RABGAP1L: variants seen among roughly 807,000 people sequenced by gnomAD.
The protein encoded by RABGAP1L is RAB GTPase activating protein 1 like, also known as rab GTPase-activating protein 1-like.
In RABGAP1L, 63 loss-of-function variants were observed where a neutral mutation model predicts 137.7. That is an observed-to-expected ratio of 0.46 (90% CI 0.37 to 0.56). The LOEUF (loss-of-function observed/expected upper bound fraction) is 0.56. Ranked by LOEUF, RABGAP1L falls within the 20% of genes least tolerant of loss-of-function variation. The probability of loss-of-function intolerance (pLI) is 0.00; values close to 1 mark genes in which losing one functional copy is unlikely to be tolerated. For synonymous variants in RABGAP1L, 431 were observed against 433.7 expected (o/e 0.99, Z 0.08); for missense variants, 1,095 against 1,244.0 (o/e 0.88, Z 1.80).
At chr1:174,780,096 A>T (rs1048754545) in intron 18 of RABGAP1L, among the ~76,000 whole-genome samples, 140 of 147,564 alleles carry the variant, frequency 9.5e-4, no homozygotes, top group Non-Finnish European at 1.5e-3. Context: ...ATAAATAAAT[A>T]AATAAATAAA....
chr1:174,597,363 A>G (rs1242225272), intron 13 of RABGAP1L, among the ~76,000 whole-genome samples: 13 of 152,066 alleles, frequency 8.5e-5, no homozygotes, highest in African/African-American at 2.9e-4. Flanking sequence ...TCTTGATAGG[A>G]GACTTTTTAT....
Position 174,637,417 on chromosome 1 carries a change from A to G in RABGAP1L, c.1753A>G (p.Thr585Ala), listed in dbSNP as rs1674148086. 2 of 1,613,328 alleles carry G rather than the reference A, an allele frequency of 1.2e-6. No individual in the cohort carries two copies. Among genetic ancestry groups the G allele is most frequent in the African/African-American group, 1.3e-5 (1 of 74,906 alleles). The stretch of plus-strand genomic sequence containing the variant: ...TGTTATTACTCGAGATATTCATCGT[A>G]CATTTCCCGCACATGATTACTTTAA... ...ESVITRDIHR[T>A]FPAHDYFKDT... Residue 585 changes from threonine to alanine, a missense_variant, in exon 14 of 26, where the codon ACA (threonine) becomes GCA (alanine). Thr to Ala is a moderately conservative substitution (Grantham distance 58). Around this residue, in one of 4 missense-constraint regions of RABGAP1L, gnomAD observed 315 missense variants for 324.8 expected, o/e 0.97. Coordinates refer to ENST00000681986, the MANE Select transcript of RABGAP1L (RefSeq NM_001366446.1).
intron 11 of RABGAP1L, among the ~76,000 whole-genome samples, chr1:174,352,407 T>C (rs1467507353): frequency 6.6e-6 from 1 of 152,200 alleles, no homozygotes; most frequent in East Asian, 1.9e-4. Context: ...CCAGAATTTT[T>C]GCTTGATTTT....
intron 19 of RABGAP1L, among the ~76,000 whole-genome samples, chr1:174,818,544 A>C (rs1189152118): frequency 2.0e-5 from 3 of 152,134 alleles, no homozygotes; most frequent in African/African-American, 7.2e-5. Flanking sequence ...TTTTTCTAAG[A>C]AGGTTAGTAT....
intron 1 of RABGAP1L, among the ~76,000 whole-genome samples, chr1:174,198,797 A>G (rs1667889505): frequency 6.6e-6 from 1 of 152,174 alleles, no homozygotes; most frequent in Admixed American, 6.5e-5. Context: ...CGCCCCCTCC[A>G]GCATTAATGG....
In RABGAP1L at chr1:174,457,477, C is replaced by CTTT. The variant is rs746968960; in HGVS notation, c.1710+63352_1710+63354dup. On this transcript the variant is annotated intron_variant, in intron 13 of 25. Transcript: ENST00000681986. ...CATGTTCTACCAACTCAGGCATCAT[C>CTTT]TTTTTTTTTTTTTTTTTTTTTTGAG... Among the ~76,000 whole-genome samples, 99 of 107,454 alleles carry CTTT rather than the reference C, an allele frequency of 9.2e-4. 1 individual carries two copies. The highest frequency in any genetic ancestry group is 2.5e-3 in the East Asian group (10 of 3,984). The allele number at this position is 107,454 out of a possible 152,430, so 70.5% of individuals were successfully genotyped here.
intron 13 of RABGAP1L, among the ~76,000 whole-genome samples, chr1:174,612,542 C>G (rs1489016444): frequency 6.6e-6 from 1 of 152,130 alleles, no homozygotes; most frequent in African/African-American, 2.4e-5. Flanking sequence ...CTCTGCCCGG[C>G]TTTGGTATCA....
chr1:174,636,174 TTCAC>T (rs1674011349), intron 13 of RABGAP1L, among the ~76,000 whole-genome samples: 1 of 152,178 alleles, frequency 6.6e-6, no homozygotes, highest in Non-Finnish European at 1.5e-5. Context: ...AGGCTAGAAT[TTCAC>T]TCAATTTGGG....
At chr1:174,788,616 C>T (rs1001417054) in intron 18 of RABGAP1L, among the ~76,000 whole-genome samples, 6 of 152,154 alleles carry the variant, frequency 3.9e-5, no homozygotes, top group African/African-American at 9.7e-5. Flanking sequence ...AGGTAATCTT[C>T]GTAGCATTCC....
At chr1:174,892,148 G>A (rs535414218) in intron 19 of RABGAP1L, among the ~76,000 whole-genome samples, 19 of 152,344 alleles carry the variant, frequency 1.2e-4, no homozygotes, top group African/African-American at 2.2e-4. Flanking sequence ...AGCATCTCGC[G>A]TGGTGGCTCT....
intron 7 of RABGAP1L, among the ~76,000 whole-genome samples, chr1:174,272,008 T>A (rs1341414388): frequency 8.6e-5 from 13 of 151,952 alleles, no homozygotes; most frequent in Admixed American, 8.5e-4. Flanking sequence ...AGTGTCATCT[T>A]CTTATTTTTA....
intron 13 of RABGAP1L, among the ~76,000 whole-genome samples, chr1:174,510,365 A>G (rs760384108): frequency 3.9e-5 from 6 of 152,202 alleles, no homozygotes; most frequent in Non-Finnish European, 8.8e-5. Flanking sequence ...CACACGTAGC[A>G]GGTACTCAGT....
chr1:174,912,439 C>A (rs928960527), intron 19 of RABGAP1L, among the ~76,000 whole-genome samples: 1 of 152,172 alleles, frequency 6.6e-6, no homozygotes, highest in East Asian at 1.9e-4. Context: ...AGCCACTGCA[C>A]CCAGCCAATT....
intron 13 of RABGAP1L, among the ~76,000 whole-genome samples, chr1:174,551,224 A>G (rs1292326293): frequency 6.6e-6 from 1 of 150,584 alleles, no homozygotes; most frequent in Non-Finnish European, 1.5e-5. Context: ...AACAAAAGAA[A>G]CAAAACAAAA....
At chr1:174,695,742 C>A (rs1572838985) in intron 15 of RABGAP1L, among the ~76,000 whole-genome samples, 1 of 152,294 alleles carries the variant, frequency 6.6e-6, no homozygotes, top group South Asian at 2.1e-4. Context: ...TTTTACCCGT[C>A]CTTCTTGAGA....
At chr1:174,212,347 A>G (rs1156486624) in intron 1 of RABGAP1L, among the ~76,000 whole-genome samples, 1 of 152,030 alleles carries the variant, frequency 6.6e-6, no homozygotes, top group African/African-American at 2.4e-5. Flanking sequence ...TAAAAAGGCA[A>G]TTACTTTTGC....
chr1:174,214,903 A>G (rs1378722689), intron 1 of RABGAP1L, among the ~76,000 whole-genome samples: 1 of 152,210 alleles, frequency 6.6e-6, no homozygotes, highest in African/African-American at 2.4e-5. Flanking sequence ...AATTATTGGG[A>G]AACTCTCCAG....
intron 13 of RABGAP1L, among the ~76,000 whole-genome samples, chr1:174,488,181 G>A (rs1659858095): frequency 6.6e-6 from 1 of 151,694 alleles, no homozygotes; most frequent in Non-Finnish European, 1.5e-5. Flanking sequence ...CTTTCTGATT[G>A]AACTACTCTC....
chr1:174,900,318 A>G (rs556452280), intron 19 of RABGAP1L, among the ~76,000 whole-genome samples: 14 of 152,312 alleles, frequency 9.2e-5, no homozygotes, highest in African/African-American at 3.4e-4. Context: ...AATTTTCTGG[A>G]GTTTCAATAC....
Sources: gnomAD v4.1 joint callset for allele counts (sites outside exome capture counted in the v4.1 genomes callset) on GRCh38, gnomAD v4.1.1 for gene constraint, gnomAD v4.1.1 regional missense constraint, MANE v1.5 for transcripts, NCBI Gene and HGNC (gene_info 2026-07-23, HGNC 2026-07-21) for gene names.